C11orf65: variants seen among roughly 807,000 people sequenced by gnomAD.
The protein encoded by C11orf65 is chromosome 11 open reading frame 65, also known as protein MFI.
C11orf65 carries 38 observed loss-of-function variants against 35.3 expected under a neutral mutation model. That is an observed-to-expected ratio of 1.08 (90% CI 0.83 to 1.41). C11orf65 has a LOEUF of 1.41. Ranked by LOEUF, C11orf65 falls within the 40% of genes most tolerant of loss-of-function variation. The pLI is 0.00. For synonymous variants in C11orf65, 105 were observed against 114.4 expected (o/e 0.92, Z 0.53); for missense variants, 370 against 367.1 (o/e 1.01, Z -0.06).
At chr11:108,357,730 G>C (rs1490002973) in intron 2 of C11orf65, among the ~76,000 whole-genome samples, 2 of 152,164 alleles carry the variant, frequency 1.3e-5, no homozygotes, top group African/African-American at 2.4e-5. Context: ...CTGCAGCTGA[G>C]GGTCTTGTCT....
At chr11:108,377,775 C>T (rs11212597), downstream of C11orf65, among the ~76,000 whole-genome samples, 80,616 of 150,792 alleles carry the variant, frequency 0.53, 22,098 homozygotes, top group Middle Eastern at 0.73. Flanking sequence ...TAAGCAACTT[C>T]AGCAAAGTCT....
intron 3 of C11orf65, among the ~76,000 whole-genome samples, chr11:108,431,469 G>C (rs1159055717): frequency 1.3e-5 from 2 of 152,114 alleles, no homozygotes; most frequent in African/African-American, 4.8e-5. Context: ...TAAAATAGTG[G>C]TTACCTTTTG....
chr11:108,402,027 T>C (rs949016444), intron 6 of C11orf65, among the ~76,000 whole-genome samples: 8 of 152,204 alleles, frequency 5.3e-5, no homozygotes, highest in African/African-American at 1.9e-4. Flanking sequence ...TTCCTGGCAA[T>C]GTAGATTAGT....
intron 2 of C11orf65, among the ~76,000 whole-genome samples, chr11:108,374,460 G>A (rs2091663654): frequency 6.6e-6 from 1 of 152,090 alleles, no homozygotes; most frequent in South Asian, 2.1e-4. Flanking sequence ...ACAACAGAAA[G>A]GATATCCACA....
In C11orf65 at chr11:108,387,148, C is replaced by T. The variant is rs1005548763; in HGVS notation, c.732-1173G>A. ...TGATTTTCTTTTCTTTTCTTTCTTT[C>T]TTTTTTTTTTTTTTTTTTTTTTTGA... On this transcript the variant is annotated intron_variant, in intron 7 of 8. Coordinates refer to ENST00000393084, the MANE Select transcript of C11orf65 (RefSeq NM_152587.5). Among the ~76,000 whole-genome samples the T allele has an allele frequency of 7.5e-3, 637 of 84,472 alleles. 10 individuals are homozygous for T. The highest frequency in any genetic ancestry group is 0.026 in the African/African-American group (589 of 22,592). The allele number at this position is 84,472 out of a possible 152,430, so 55.4% of individuals were successfully genotyped here.
intron 2 of C11orf65, among the ~76,000 whole-genome samples, chr11:108,377,124 A>T (rs1015224253): frequency 5.9e-4 from 90 of 151,492 alleles, no homozygotes; most frequent in Admixed American, 9.2e-4. Flanking sequence ...TCCCTAACTC[A>T]TTTTATGAGG....
At chr11:108,439,424 T>C (rs1366660449) in intron 2 of C11orf65, among the ~76,000 whole-genome samples, 1 of 152,200 alleles carries the variant, frequency 6.6e-6, no homozygotes, top group Non-Finnish European at 1.5e-5. Flanking sequence ...AGTTTGGCAG[T>C]TCCTCACAAA....
rs1555143494 is a variant in C11orf65 at position 108,354,817 on chromosome 11, T to A, written c.227-19525A>T. The A allele has an allele frequency of 6.2e-7, 1 of 1,613,640 alleles. No individual in the cohort carries two copies. Among genetic ancestry groups the A allele is most frequent in the Non-Finnish European group, 8.5e-7 (1 of 1,179,550 alleles). ...ATAATGTGTTTGACTCTAGATGCTGTGAGAAAACCATGGAAGTGATGAGAA... is the reference window on the plus strand; with the variant it reads ...ATAATGTGTTTGACTCTAGATGCTGAGAGAAAACCATGGAAGTGATGAGAA... On this transcript the variant is annotated intron_variant, in intron 2 of 3. Coordinates refer to the C11orf65 transcript ENST00000524755.
chr11:108,361,565 A>T (rs2090761371), intron 2 of C11orf65, among the ~76,000 whole-genome samples: 1 of 152,072 alleles, frequency 6.6e-6, no homozygotes. Flanking sequence ...AGGCTACAGT[A>T]ACCAAAACAA....
chr11:108,421,959 T>C (rs757210152), intron 3 of C11orf65, among the ~76,000 whole-genome samples: 1 of 152,166 alleles, frequency 6.6e-6, no homozygotes, highest in Non-Finnish European at 1.5e-5. Context: ...TGAGACGAAG[T>C]CTCACACTGT....
Position 108,385,947 on chromosome 11 carries a change from T to C in C11orf65, c.760A>G (p.Thr254Ala), listed in dbSNP as rs1227911013. ...EYIASWKEIA[T>A]SNSSANFKGF... ...TTGAAGTTAGCCGAAGAGTTGCTTGTAGCAATTTCCTTCCAGCTGGCAATG... is the reference window on the plus strand; with the variant it reads ...TTGAAGTTAGCCGAAGAGTTGCTTGCAGCAATTTCCTTCCAGCTGGCAATG... The change falls in exon 8 of 9, where the codon ACA becomes GCA. Residue 254 changes from threonine to alanine, a missense_variant. Transcript: ENST00000393084. The C allele has an allele frequency of 4.8e-5, 77 of 1,613,864 alleles. No individual in the cohort carries two copies. The Admixed American group carries it at 1.3e-3, about 27-fold the overall frequency.
chr11:108,363,982 C>A (rs1489124747), intron 2 of C11orf65, among the ~76,000 whole-genome samples: 1 of 152,160 alleles, frequency 6.6e-6, no homozygotes, highest in Non-Finnish European at 1.5e-5. Context: ...AAAGCCATGT[C>A]AGTGCCCAAC....
intron 2 of C11orf65, among the ~76,000 whole-genome samples, chr11:108,373,813 C>T (rs2091639165): frequency 6.6e-6 from 1 of 152,230 alleles, no homozygotes; most frequent in African/African-American, 2.4e-5. Context: ...AATCGGGCCA[C>T]TCCCACCCGA....
intron 7 of C11orf65, among the ~76,000 whole-genome samples, chr11:108,386,408 G>T (rs2092002220): frequency 6.6e-6 from 1 of 152,246 alleles, no homozygotes; most frequent in South Asian, 2.1e-4. Context: ...TCTGATACGT[G>T]AAGGGAAATT....
intron 2 of C11orf65, among the ~76,000 whole-genome samples, chr11:108,372,442 C>CTCA (rs1401182210): frequency 6.6e-6 from 1 of 152,248 alleles, no homozygotes; most frequent in Non-Finnish European, 1.5e-5. Flanking sequence ...ATATGCCCGC[C>CTCA]TCAGCACCCC....
At chr11:108,341,638 C>T (rs1053944723) in intron 2 of C11orf65, among the ~76,000 whole-genome samples, 2 of 151,932 alleles carry the variant, frequency 1.3e-5, no homozygotes, top group Non-Finnish European at 1.5e-5. Context: ...ACCATAAGGA[C>T]GAGTGACCAG....
chr11:108,408,958 T>G (rs530941421), intron 3 of C11orf65, among the ~76,000 whole-genome samples: 1 of 152,122 alleles, frequency 6.6e-6, no homozygotes, highest in Admixed American at 6.5e-5. Context: ...CTTTTATGAA[T>G]TCAAATATGA....
downstream of C11orf65, chr11:108,329,294 T>G: frequency 6.8e-7 from 1 of 1,463,760 alleles, no homozygotes; most frequent in Non-Finnish European, 9.5e-7. Flanking sequence ...TGAGTGAGTG[T>G]TTTTGCATAG....
chr11:108,421,955 G>A (rs533633454), intron 3 of C11orf65, among the ~76,000 whole-genome samples: 2 of 151,736 alleles, frequency 1.3e-5, no homozygotes, highest in Admixed American at 1.3e-4. Context: ...TTTTTGAGAC[G>A]AAGTCTCACA....
Sources: allele counts gnomAD v4.1 joint callset (sites outside exome capture counted in the v4.1 genomes callset), GRCh38; gene constraint gnomAD v4.1.1; transcripts MANE v1.5; gene names NCBI Gene and HGNC (gene_info 2026-07-23, HGNC 2026-07-21).